The following TBC1D4 variants were observed in gnomAD, a reference collection of about 807,000 sequenced individuals.
The protein encoded by TBC1D4 is TBC (Tre-2, BUB2, CDC16) domain-containing protein.
TBC1D4 carries 121 observed loss-of-function variants against 142.5 expected under a neutral mutation model. That is an observed-to-expected ratio of 0.85 (90% confidence interval 0.73 to 0.99). The LOEUF is 0.99. Ranked by LOEUF, TBC1D4 falls within the 50% of genes least tolerant of loss-of-function variation. The pLI is 0.00. For missense variants in TBC1D4, 1,475 were observed against 1,606.6 expected, an observed-to-expected ratio of 0.92 and a Z score of 1.40; for synonymous variants, 630 against 628.2, an observed-to-expected ratio of 1.00 and a Z score of -0.04.
chr13:75,322,720 G>A (rs902645767), intron 11 of TBC1D4, among the ~76,000 whole-genome samples: 6 of 152,138 alleles, frequency 3.9e-5, no homozygotes, highest in African/African-American at 1.4e-4. Flanking sequence ...AATGCAAATA[G>A]GTTGGTTGAA....
intron 1 of TBC1D4, among the ~76,000 whole-genome samples, chr13:75,393,604 C>T (rs1160047186): frequency 6.6e-6 from 1 of 152,100 alleles, no homozygotes; most frequent in East Asian, 1.9e-4. Flanking sequence ...TTTGTAGGTT[C>T]CACATTCTTG....
At chr13:75,424,240 T>C (rs887743898) in intron 1 of TBC1D4, among the ~76,000 whole-genome samples, 1 of 147,674 alleles carries the variant, frequency 6.8e-6, no homozygotes, top group Admixed American at 6.8e-5. Flanking sequence ...GCCACTGCAT[T>C]CCTGCCTAGG....
chr13:75,377,493 G>A (rs1311225453), intron 1 of TBC1D4, among the ~76,000 whole-genome samples: 1 of 151,936 alleles, frequency 6.6e-6, no homozygotes, highest in Non-Finnish European at 1.5e-5. Flanking sequence ...GGGAACAAAA[G>A]GGCCCACATG....
chr13:75,320,196 A>G (rs950203569), intron 11 of TBC1D4, among the ~76,000 whole-genome samples, 159 bp from the exon 12 acceptor site: 28 of 152,148 alleles, frequency 1.8e-4, no homozygotes, highest in African/African-American at 6.5e-4. Context: ...TTTTCACTGA[A>G]TACAAGAGAA....
intron 1 of TBC1D4, among the ~76,000 whole-genome samples, chr13:75,465,778 T>C (rs1197293011): frequency 6.6e-6 from 1 of 152,178 alleles, no homozygotes; most frequent in Non-Finnish European, 1.5e-5. Context: ...ATCTATTCCC[T>C]CTGAAGCCTA....
At position 75,287,044 on chromosome 13, in the gene TBC1D4, A is replaced by G. The variant is rs190152239; in HGVS notation, c.3664-19T>C. ...GAGCTACCTGTTTGGGGGGGAAAAA[A>G]TCCTCCAAATCAAATGATTCATTAT... On this transcript the variant is annotated intron_variant, in intron 20 of 20. Transcript: ENST00000377636. The G allele has an allele frequency of 3.1e-6, 5 of 1,595,270 alleles. No individual in the cohort carries two copies. Among genetic ancestry groups the G allele is most frequent in the South Asian group, 1.1e-5 (1 of 90,676 alleles).
intron 1 of TBC1D4, among the ~76,000 whole-genome samples, chr13:75,454,369 T>C (rs1887646015): frequency 2.6e-5 from 4 of 152,224 alleles, no homozygotes; most frequent in African/African-American, 9.6e-5. Flanking sequence ...GAAATGTTAT[T>C]TAAAATACCT....
intron 5 of TBC1D4, among the ~76,000 whole-genome samples, chr13:75,347,480 T>C (rs74096223): frequency 0.024 from 3,699 of 152,300 alleles, 175 homozygotes; most frequent in African/African-American, 0.085. Flanking sequence ...AAATCAAATA[T>C]GTCAGTGTCT....
chr13:75,434,873 T>G (rs1354345467), intron 1 of TBC1D4, among the ~76,000 whole-genome samples: 1 of 150,834 alleles, frequency 6.6e-6, no homozygotes, highest in Non-Finnish European at 1.5e-5. Flanking sequence ...ATAGGCCTGG[T>G]ACGGTGGCTC....
In TBC1D4 at chr13:75,481,277, G is replaced by C. The variant is rs1278485445; in HGVS notation, c.491C>G (p.Pro164Arg). 6.2e-7 allele frequency: 1 copy of C among 1,613,648 alleles called. No individual in the cohort carries two copies. The highest frequency in any genetic ancestry group is 1.7e-5 in the Admixed American group (1 of 60,020). ...TCCGAGCCCCTGTCTTGCCTGGCTG[G>C]GGTCTGTGGCGCGGAAAACGTGGCA... ...MACHVFRATD[P>R]SQVPDVISSI... The change falls in exon 1 of 21, where the codon CCC (proline) becomes CGC (arginine). Residue 164 changes from proline to arginine, a missense_variant. Physicochemically the swap from Pro to Arg is moderately radical, Grantham distance 103 (BLOSUM62 -2). Around this residue, in one of 2 missense-constraint regions of TBC1D4, gnomAD observed 1,227 missense variants for 1,267.7 expected, o/e 0.97. Transcript: ENST00000377636.
chr13:75,467,835 C>T (rs1888231121), intron 1 of TBC1D4, among the ~76,000 whole-genome samples: 1 of 152,068 alleles, frequency 6.6e-6, no homozygotes, highest in Non-Finnish European at 1.5e-5. Flanking sequence ...AAATAAAATA[C>T]ATACAAGAGC....
chr13:75,388,134 C>T (rs974751006), intron 1 of TBC1D4, among the ~76,000 whole-genome samples: 2 of 152,186 alleles, frequency 1.3e-5, no homozygotes, highest in African/African-American at 2.4e-5. Flanking sequence ...ATCTCTCTGA[C>T]CCATCTTCTA....
chr13:75,320,112 A>G, intron 11 of TBC1D4, 75 bp from the exon 12 acceptor site: 1 of 1,517,430 alleles, frequency 6.6e-7, no homozygotes, highest in Non-Finnish European at 9.1e-7. Flanking sequence ...GATAAAAGGC[A>G]TTCCAATAAG....
intron 10 of TBC1D4, among the ~76,000 whole-genome samples, chr13:75,324,604 A>G (rs1365075367): frequency 6.6e-6 from 1 of 152,118 alleles, no homozygotes; most frequent in Non-Finnish European, 1.5e-5. Context: ...TTCCTTTACA[A>G]TTTGAATTCC....
rs747604452 is a variant in TBC1D4, at chr13:75,306,351, C to A, written c.2714G>T (p.Arg905Ile). ...KKLLNCRAKI[R>I]CDMEDIHTLL... ...AGTATGAATATCTTCCATATCACATCTGATTTTAGCTCTGCAGTTTAACAA... is the reference window on the plus strand; with the variant it reads ...AGTATGAATATCTTCCATATCACATATGATTTTAGCTCTGCAGTTTAACAA... Residue 905 changes from arginine (R) to isoleucine (I), a missense_variant, in exon 15 of 21, where the codon AGA becomes ATA. Coordinates refer to ENST00000377636, the MANE Select transcript of TBC1D4 (RefSeq NM_014832.5). The A allele has an allele frequency of 6.2e-7, 1 of 1,612,696 alleles. No individual in the cohort carries two copies. Among genetic ancestry groups the A allele is most frequent in the Non-Finnish European group, 8.5e-7 (1 of 1,179,744 alleles).
intron 1 of TBC1D4, among the ~76,000 whole-genome samples, chr13:75,381,644 A>C (rs552165735): frequency 6.6e-6 from 1 of 152,312 alleles, no homozygotes; most frequent in African/African-American, 2.4e-5. Context: ...GGCATCCCCA[A>C]GTCTGTGCCA....
At chr13:75,346,321 C>T (rs901446944) in intron 5 of TBC1D4, among the ~76,000 whole-genome samples, 3 of 152,086 alleles carry the variant, frequency 2.0e-5, no homozygotes, top group South Asian at 2.1e-4. Flanking sequence ...GACAGGCCCC[C>T]GGCATGTGAT....
chr13:75,337,085 G>C (rs1367608001), intron 7 of TBC1D4, 45 bp from the exon 8 acceptor site: 1 of 1,573,152 alleles, frequency 6.4e-7, no homozygotes, highest in East Asian at 2.2e-5. Flanking sequence ...AAATACTCAA[G>C]GTTAAATGAA....
At chr13:75,390,277 C>CAAAAAAA (rs36168056) in intron 1 of TBC1D4, among the ~76,000 whole-genome samples, 12 of 112,252 alleles carry the variant, frequency 1.1e-4, no homozygotes, top group Admixed American at 4.1e-4. Context: ...GAGACTCCGT[C>CAAAAAAA]AAAAAAAAAA....
Sources: allele counts gnomAD v4.1 joint callset (sites outside exome capture counted in the v4.1 genomes callset), GRCh38; gene constraint gnomAD v4.1.1; regional missense constraint gnomAD v4.1.1; transcripts MANE v1.5; gene names NCBI Gene and HGNC (gene_info 2026-07-23, HGNC 2026-07-21).